ZNF521: variants seen among roughly 807,000 people sequenced by gnomAD.
ZNF521 encodes zinc finger protein 521.
In ZNF521, 14 loss-of-function variants were observed where a neutral mutation model predicts 105.5. That is an observed-to-expected ratio of 0.13 (90% confidence interval 0.09 to 0.21). The LOEUF (loss-of-function observed/expected upper bound fraction) is 0.21. Ranked by LOEUF, ZNF521 falls within the 10% of genes least tolerant of loss-of-function variation. ZNF521 has a pLI of 1.00. For synonymous variants in ZNF521, 635 were observed against 606.0 expected, an observed-to-expected ratio of 1.05 and a Z score of -0.70; for missense variants, 1,233 against 1,629.7, an observed-to-expected ratio of 0.76 and a Z score of 4.19.
chr18:25,340,129 T>C (rs780870953), intron 2 of ZNF521, among the ~76,000 whole-genome samples: 67 of 152,096 alleles, frequency 4.4e-4, no homozygotes, highest in Non-Finnish European at 3.5e-4. Context: ...GGCCAAGGTG[T>C]GGATCACTTG....
intron 7 of ZNF521, among the ~76,000 whole-genome samples, chr18:25,083,802 C>T (rs2144181111): frequency 6.6e-6 from 1 of 152,094 alleles, no homozygotes; most frequent in African/African-American, 2.4e-5. Context: ...CTCTCTCTCT[C>T]TCTGTCGCCC....
chr18:25,092,761 T>G (rs1304080858), intron 5 of ZNF521, among the ~76,000 whole-genome samples: 6 of 152,192 alleles, frequency 3.9e-5, no homozygotes, highest in Admixed American at 3.9e-4. Context: ...TGACTAGCCC[T>G]GAATTTTTCT....
intron 4 of ZNF521, among the ~76,000 whole-genome samples, chr18:25,222,305 C>G (rs1051510714): frequency 3.0e-4 from 46 of 152,126 alleles, no homozygotes; most frequent in Middle Eastern, 3.2e-3. Context: ...GTCATTCGAG[C>G]CTTAATGATA....
intron 5 of ZNF521, among the ~76,000 whole-genome samples, chr18:25,176,555 A>G (rs1387831434): frequency 6.6e-6 from 1 of 152,178 alleles, no homozygotes; most frequent in Non-Finnish European, 1.5e-5. Context: ...TGCTTACACC[A>G]GAATTAATTT....
chr18:25,125,812 C>G (rs2034529193), intron 5 of ZNF521, among the ~76,000 whole-genome samples: 1 of 151,664 alleles, frequency 6.6e-6, no homozygotes, highest in Admixed American at 6.6e-5. Context: ...TGCTTGCTAT[C>G]CAGTAGTGGC....
chr18:25,128,136 G>T (rs748633383), intron 5 of ZNF521, among the ~76,000 whole-genome samples: 26 of 151,634 alleles, frequency 1.7e-4, no homozygotes, highest in Non-Finnish European at 2.5e-4. Context: ...TGACCCAGTG[G>T]GATTCTTCTA....
At chr18:25,272,220 T>C (rs1909710174) in intron 3 of ZNF521, among the ~76,000 whole-genome samples, 1 of 152,214 alleles carries the variant, frequency 6.6e-6, no homozygotes, top group Non-Finnish European at 1.5e-5. Context: ...AGATATTATC[T>C]CATGCCAGTT....
chr18:25,345,199 A>G (rs996729390), intron 2 of ZNF521: 5 of 152,222 alleles, frequency 3.3e-5, no homozygotes, highest in Admixed American at 3.3e-4. Flanking sequence ...CAAATATGCT[A>G]CGAGTCTTGC....
intron 5 of ZNF521, among the ~76,000 whole-genome samples, chr18:25,117,709 A>C (rs1238739466): frequency 6.6e-6 from 1 of 152,108 alleles, no homozygotes; most frequent in African/African-American, 2.4e-5. Context: ...ATGTGAAAAT[A>C]GACTAATAGA....
chr18:25,258,947 G>A (rs1293832165), intron 3 of ZNF521, among the ~76,000 whole-genome samples: 9 of 152,134 alleles, frequency 5.9e-5, no homozygotes, highest in Non-Finnish European at 4.4e-5. Context: ...CAGGCACCCT[G>A]CTACATGCTT....
intron 5 of ZNF521, among the ~76,000 whole-genome samples, chr18:25,159,235 G>T (rs2035204674): frequency 6.6e-6 from 1 of 152,156 alleles, no homozygotes; most frequent in Admixed American, 6.5e-5. Context: ...ACTTGGCATG[G>T]TGGGGTGTAT....
At chr18:25,268,818 C>T (rs1164347616) in intron 3 of ZNF521, among the ~76,000 whole-genome samples, 1 of 152,128 alleles carries the variant, frequency 6.6e-6, no homozygotes, top group African/African-American at 2.4e-5. Context: ...CCAGCCACTG[C>T]AAAAACATAC....
At chr18:25,113,761 G>GACACACACACACAC (rs10667710) in intron 5 of ZNF521, among the ~76,000 whole-genome samples, 39 of 101,748 alleles carry the variant, frequency 3.8e-4, no homozygotes, top group African/African-American at 1.3e-3. Context: ...AGGACGGACG[G>GACACACACACACAC]ACACACACAC....
At chr18:25,192,876 C>T (rs1342898757) in intron 5 of ZNF521, among the ~76,000 whole-genome samples, 1 of 152,046 alleles carries the variant, frequency 6.6e-6, no homozygotes, top group Non-Finnish European at 1.5e-5. Flanking sequence ...ATACTAACAG[C>T]ACAAATAGGG....
At chr18:25,188,481 A>AT (rs2035764094) in intron 5 of ZNF521, among the ~76,000 whole-genome samples, 1 of 152,190 alleles carries the variant, frequency 6.6e-6, no homozygotes, top group African/African-American at 2.4e-5. Flanking sequence ...GTGTGTGTGC[A>AT]TGGGCAAGCA....
intron 3 of ZNF521, among the ~76,000 whole-genome samples, chr18:25,237,364 A>G (rs966869378): frequency 6.6e-6 from 1 of 152,188 alleles, no homozygotes; most frequent in Non-Finnish European, 1.5e-5. Context: ...ATATGTCTCT[A>G]AGGGAAGACT....
At chr18:25,235,339 G>C (rs547067825) in intron 3 of ZNF521, among the ~76,000 whole-genome samples, 1 of 152,324 alleles carries the variant, frequency 6.6e-6, no homozygotes, top group Admixed American at 6.5e-5. Context: ...ATGCTACCAA[G>C]TTAATCATTA....
chr18:25,168,012 T>G (rs2035377572), intron 5 of ZNF521, among the ~76,000 whole-genome samples: 1 of 152,176 alleles, frequency 6.6e-6, no homozygotes, highest in Non-Finnish European at 1.5e-5. Flanking sequence ...ATGCGGTATC[T>G]TTTTTGGTGC....
chr18:25,203,935 T>C (rs76149147), intron 4 of ZNF521, among the ~76,000 whole-genome samples: 5,785 of 152,180 alleles, frequency 0.038, 315 homozygotes, highest in African/African-American at 0.13. Flanking sequence ...CTCTCAAAGC[T>C]TGGTTCTGTC....
Sources: gnomAD v4.1 joint callset for allele counts (sites outside exome capture counted in the v4.1 genomes callset) on GRCh38, gnomAD v4.1.1 for gene constraint, MANE v1.5 for transcripts, NCBI Gene and HGNC (gene_info 2026-07-23, HGNC 2026-07-21) for gene names.